The following SRPK2 variants were observed in gnomAD, a reference collection of about 807,000 sequenced individuals.
SRPK2 encodes the protein SRSF protein kinase 2.
SRPK2 carries 21 observed loss-of-function variants against 90.8 expected under a neutral mutation model. The ratio of observed to expected loss-of-function variants is 0.23; its 90% CI spans 0.16 to 0.33. SRPK2 has a LOEUF of 0.33. SRPK2 is among the 10% of genes least tolerant of loss of function. SRPK2 has a pLI of 1.00. For missense variants in SRPK2, 620 were observed against 869.0 expected (o/e 0.71, Z 3.60); for synonymous variants, 288 against 311.1 (o/e 0.93, Z 0.78).
At chr7:105,375,245 C>A (rs199525290) in intron 2 of SRPK2, among the ~76,000 whole-genome samples, 1 of 152,124 alleles carries the variant, frequency 6.6e-6, no homozygotes, top group Non-Finnish European at 1.5e-5. Context: ...ATTAACCCAA[C>A]CCAATAGCAA....
At chr7:105,323,417 T>C (rs1813165153) in intron 2 of SRPK2, among the ~76,000 whole-genome samples, 1 of 152,182 alleles carries the variant, frequency 6.6e-6, no homozygotes, top group Admixed American at 6.6e-5. Context: ...AACATATGAC[T>C]TCCTCCTAAA....
At chr7:105,393,118 C>G (rs1222645713), upstream of SRPK2, among the ~76,000 whole-genome samples, 1 of 152,116 alleles carries the variant, frequency 6.6e-6, no homozygotes, top group Non-Finnish European at 1.5e-5. Flanking sequence ...CTCAGCCTCC[C>G]AAGTACCTGG....
At chr7:105,280,980 A>C (rs1174798295) in intron 2 of SRPK2, among the ~76,000 whole-genome samples, 38 of 123,116 alleles carry the variant, frequency 3.1e-4, no homozygotes, top group African/African-American at 1.1e-3. Flanking sequence ...AAAAAAAAAA[A>C]AAAAACCTTG....
intron 2 of SRPK2, among the ~76,000 whole-genome samples, chr7:105,304,776 TA>T (rs1563216881): frequency 5.1e-4 from 77 of 152,130 alleles, no homozygotes; most frequent in African/African-American, 1.5e-3. Context: ...AAACAGATGA[TA>T]TATAGACAAT....
intron 13 of SRPK2, among the ~76,000 whole-genome samples, chr7:105,131,420 C>G (rs1801987063): frequency 6.6e-6 from 1 of 152,178 alleles, no homozygotes; most frequent in African/African-American, 2.4e-5. Context: ...TTTAACCGTT[C>G]TTTTCTATAC....
At chr7:105,381,437 C>A (rs1193014765) in intron 2 of SRPK2, among the ~76,000 whole-genome samples, 1 of 152,020 alleles carries the variant, frequency 6.6e-6, no homozygotes, top group Non-Finnish European at 1.5e-5. Context: ...CACTGCAGTC[C>A]AGCCTGGGCA....
At chr7:105,144,838 G>C (rs1804326127) in intron 9 of SRPK2, among the ~76,000 whole-genome samples, 1 of 152,110 alleles carries the variant, frequency 6.6e-6, no homozygotes, top group African/African-American at 2.4e-5. Flanking sequence ...TGGGCGTGGT[G>C]GTTCAAACCT....
chr7:105,286,921 G>A (rs928142380), intron 2 of SRPK2, among the ~76,000 whole-genome samples: 22 of 152,130 alleles, frequency 1.4e-4, no homozygotes, highest in African/African-American at 5.3e-4. Context: ...ATGAATAGCC[G>A]TGCAACTGTC....
chr7:105,354,637 C>T (rs1411222109), intron 2 of SRPK2, among the ~76,000 whole-genome samples: 2 of 152,304 alleles, frequency 1.3e-5, no homozygotes, highest in South Asian at 4.2e-4. Flanking sequence ...ACAGCCCATA[C>T]TCCTCTGTCC....
At chr7:105,124,924 G>A (rs1332618714) in intron 15 of SRPK2, among the ~76,000 whole-genome samples, 1 of 151,804 alleles carries the variant, frequency 6.6e-6, no homozygotes, top group African/African-American at 2.4e-5. Context: ...TTGAGGTCAG[G>A]AGTTTGAGAC....
intron 9 of SRPK2, chr7:105,143,968 C>T (rs1804170320): frequency 6.6e-6 from 1 of 152,282 alleles, no homozygotes. Flanking sequence ...CTATGGGAAA[C>T]AACTTGAGCT....
chr7:105,303,087 G>T (rs547219512), intron 2 of SRPK2, among the ~76,000 whole-genome samples: 1 of 151,922 alleles, frequency 6.6e-6, no homozygotes, highest in Admixed American at 6.6e-5. Context: ...AAAAAAGGTG[G>T]GGGGGAGAAA....
At chr7:105,378,149 CA>C (rs2132592772) in intron 2 of SRPK2, among the ~76,000 whole-genome samples, 1 of 152,270 alleles carries the variant, frequency 6.6e-6, no homozygotes, top group East Asian at 1.9e-4. Context: ...CACATGTTGA[CA>C]CCAACTGCAG....
At chr7:105,182,120 A>G (rs555205488) in intron 3 of SRPK2, among the ~76,000 whole-genome samples, 3 of 150,128 alleles carry the variant, frequency 2.0e-5, no homozygotes, top group African/African-American at 7.3e-5. Flanking sequence ...AATCCCAGCT[A>G]TTCAGGAGGC....
intron 2 of SRPK2, among the ~76,000 whole-genome samples, chr7:105,232,852 A>C (rs1462491046): frequency 6.6e-6 from 1 of 152,112 alleles, no homozygotes; most frequent in African/African-American, 2.4e-5. Flanking sequence ...GTCTCTACTA[A>C]AAATACAAAA....
chr7:105,120,101 T>C (rs1454973939), intron 15 of SRPK2, among the ~76,000 whole-genome samples: 1 of 152,266 alleles, frequency 6.6e-6, no homozygotes, highest in South Asian at 2.1e-4. Flanking sequence ...TATGACTATA[T>C]TGATTTAGAC....
At chr7:105,135,078 A>G (rs1802590559) in intron 11 of SRPK2, among the ~76,000 whole-genome samples, 1 of 152,220 alleles carries the variant, frequency 6.6e-6, no homozygotes. Flanking sequence ...ATGCTGACCC[A>G]ATGGGTAGAT....
chr7:105,200,024 G>A (rs74455933), intron 3 of SRPK2, among the ~76,000 whole-genome samples: 2 of 152,154 alleles, frequency 1.3e-5, no homozygotes, highest in Non-Finnish European at 2.9e-5. Flanking sequence ...TCAAAGGACC[G>A]GGCATGGTGG....
chr7:105,265,480 A>G (rs1804931700), intron 2 of SRPK2, among the ~76,000 whole-genome samples: 1 of 152,084 alleles, frequency 6.6e-6, no homozygotes, highest in African/African-American at 2.4e-5. Flanking sequence ...TCCCCCTTGG[A>G]CACCAAGGGA....
Sources: allele counts gnomAD v4.1 joint callset (sites outside exome capture counted in the v4.1 genomes callset), GRCh38; gene constraint gnomAD v4.1.1; transcripts MANE v1.5; gene names NCBI Gene and HGNC (gene_info 2026-07-23, HGNC 2026-07-21).